The following MYO10 variants were observed in gnomAD, a reference collection of about 807,000 sequenced individuals.
The protein encoded by MYO10 is unconventional myosin-X.
Under a neutral mutation model 257.3 loss-of-function variants are expected in MYO10, and 133 were observed. The ratio of observed to expected loss-of-function variants is 0.52; its 90% confidence interval spans 0.45 to 0.60. The LOEUF (loss-of-function observed/expected upper bound fraction) is 0.60, where lower values mean the gene tolerates loss of function less well. Ranked by LOEUF, MYO10 falls within the 20% of genes least tolerant of loss-of-function variation. The pLI is 0.00. For synonymous variants in MYO10, 1,104 were observed against 1,028.6 expected (o/e 1.07, Z -1.40); for missense variants, 2,399 against 2,635.7 (o/e 0.91, Z 1.97).
chr5:16,790,467 G>A (rs1166881617), intron 4 of MYO10, among the ~76,000 whole-genome samples: 1 of 152,184 alleles, frequency 6.6e-6, no homozygotes, highest in African/African-American at 2.4e-5. Context: ...TGTTGTGGGA[G>A]GGACCTGGTG....
chr5:16,863,418 G>A (rs895409992), intron 2 of MYO10, among the ~76,000 whole-genome samples: 10 of 152,122 alleles, frequency 6.6e-5, no homozygotes, highest in African/African-American at 2.2e-4. Context: ...GAGACCTCCT[G>A]GTCTCACCCA....
chr5:16,672,391 G>A (rs116203487), intron 37 of MYO10, among the ~76,000 whole-genome samples: 2,794 of 149,774 alleles, frequency 0.019, 93 homozygotes, highest in African/African-American at 0.064. Context: ...CAATTTCAAA[G>A]CTAATGACAA....
chr5:16,665,262 G>A lies in MYO10; in HGVS notation c.*1430C>T, dbSNP rs1736107898. ...AACAAAAATAAGCCTCCCCTCCATG[G>A]TTTTTAGAGCCTCCTCTGATAAAGG... is the stretch of plus-strand genomic sequence containing the variant. On this transcript the variant is annotated 3_prime_UTR_variant, in exon 41 of 41. Transcript: ENST00000513610. 6.6e-6 allele frequency: 1 copy of A among 151,348 alleles called. No homozygotes were observed. The highest frequency in any genetic ancestry group is 2.4e-5 in the African/African-American group (1 of 41,254). The allele number at this position is 151,348 out of a possible 1,614,324, so 9.4% of individuals were successfully genotyped here.
At chr5:16,869,766 G>A (rs112624036) in intron 2 of MYO10, among the ~76,000 whole-genome samples, 3 of 151,326 alleles carry the variant, frequency 2.0e-5, no homozygotes, top group African/African-American at 7.4e-5. Context: ...GTAGGAGGCT[G>A]AGGCAGAAGA....
In MYO10 at chr5:16,762,105, G is replaced by A; in HGVS notation, c.1596C>T (p.His532=). 4.8e-6 allele frequency: 2 copies of A among 413,464 alleles called. No individual in the cohort carries two copies. The highest frequency in any genetic ancestry group is 7.7e-4 in the Middle Eastern group (1 of 1,302). 25.6% of individuals were successfully genotyped at this position (413,464 alleles called of 1,614,324 possible). ...CTGCAACTCTGGGCTTCACATAAAA[G>A]TGGTTATTCTAAAAAAAAAAAAAAA... ...EKLHSQHANN[H]FYVKPRVAVN... Residue 532 remains histidine, a synonymous_variant, in exon 16 of 41, where the codon CAC becomes CAT. Transcript: ENST00000513610.
At chr5:16,899,062 G>C (rs1233552772) in intron 1 of MYO10, among the ~76,000 whole-genome samples, 1 of 150,242 alleles carries the variant, frequency 6.7e-6, no homozygotes, top group East Asian at 2.0e-4. Context: ...TTGCGCCCGG[G>C]AGGCAGAGGT....
At position 16,701,914 on chromosome 5, in the gene MYO10, G is replaced by A; in HGVS notation, c.2557-76C>T. On this transcript the variant is annotated intron_variant, in intron 24 of 40. Transcript: ENST00000513610. This position sits in a 1 kb window ranked among gnomAD's most constrained non-coding sequence, Gnocchi z 8.1. ...AGCATAGCTCCCGCTTTGCAACCAG[G>A]ATGAAATATGGTCATTATGAGTTGG... 1 of 1,477,448 alleles carries A rather than the reference G, an allele frequency of 6.8e-7. No homozygotes were observed. Among genetic ancestry groups the A allele is most frequent in the Non-Finnish European group, 9.0e-7 (1 of 1,106,250 alleles). 91.5% of individuals were successfully genotyped at this position (1,477,448 alleles called of 1,614,324 possible).
intron 39 of MYO10, among the ~76,000 whole-genome samples, chr5:16,669,768 G>C (rs1736356412): frequency 6.6e-6 from 1 of 152,140 alleles, no homozygotes; most frequent in African/African-American, 2.4e-5. Flanking sequence ...GATATACGCT[G>C]AATTACTGTG....
chr5:16,818,392 GTGTGTGTGTGTGTGTGTGTA>G (rs1742696118), intron 2 of MYO10, among the ~76,000 whole-genome samples: 4 of 104,952 alleles, frequency 3.8e-5, no homozygotes, highest in Non-Finnish European at 8.2e-5. Flanking sequence ...GTGTGTGTGT[GTGTGTGTGTGTGTGTGTGTA>G]TATATATATA....
chr5:16,672,468 T>TA (rs1478147302), intron 37 of MYO10, among the ~76,000 whole-genome samples: 1 of 151,994 alleles, frequency 6.6e-6, no homozygotes, highest in Non-Finnish European at 1.5e-5. Context: ...AGGAATGGGG[T>TA]AAAAAACCAC....
Position 16,668,367 on chromosome 5 carries a change from C to T in MYO10, c.5985G>A (p.Gln1995=), listed in dbSNP as rs983676028. ...CCCCAAAAGAGAGGATGTGTTCATA[C>T]TGGAAGACTTCCAGTGGTCTTCCCT... ...RGEGRPLEVF[Q]YEHILSFGAP... Residue 1995 remains glutamine (Q), a synonymous_variant, in exon 40 of 41, where the codon CAG becomes CAA. Transcript: ENST00000513610. 3 of 1,613,890 alleles carry T rather than the reference C, an allele frequency of 1.9e-6. No homozygotes were observed. Among genetic ancestry groups the T allele is most frequent in the Non-Finnish European group, 1.7e-6 (2 of 1,179,890 alleles).
chr5:16,866,168 C>T (rs941160166), intron 2 of MYO10, among the ~76,000 whole-genome samples: 1 of 151,998 alleles, frequency 6.6e-6, no homozygotes, highest in Non-Finnish European at 1.5e-5. Flanking sequence ...AATAGCAAAT[C>T]CTTCAGACAC....
intron 19 of MYO10, chr5:16,741,954 C>A: frequency 1.0e-6 from 1 of 985,350 alleles, no homozygotes; most frequent in Non-Finnish European, 1.2e-6. Flanking sequence ...GCGTCTCGGG[C>A]TGTGCTGCTT....
At chr5:16,725,466 T>C (rs957023540) in intron 19 of MYO10, among the ~76,000 whole-genome samples, 11 of 152,128 alleles carry the variant, frequency 7.2e-5, no homozygotes, top group Middle Eastern at 3.2e-3. Flanking sequence ...AGGAGCTATG[T>C]TTCTACCATT....
At position 16,744,208 on chromosome 5, in the gene MYO10, A is replaced by G. The variant is rs191851786; in HGVS notation, c.1929+10620T>C. On this transcript the variant is annotated intron_variant, in intron 19 of 40. Coordinates refer to ENST00000513610, the MANE Select transcript of MYO10 (RefSeq NM_012334.3). ...TTGGGATTAAATTTGTTAGGACAAA[A>G]TAAGTGGTAAAAATATAAACATATA... 2.0e-3 allele frequency among the ~76,000 whole-genome samples: 300 copies of G among 152,322 alleles called. 1 individual carries two copies. The highest frequency in any genetic ancestry group is 6.8e-3 in the African/African-American group (282 of 41,574).
chr5:16,864,626 C>T (rs1239310215), intron 2 of MYO10, among the ~76,000 whole-genome samples: 4 of 152,088 alleles, frequency 2.6e-5, no homozygotes, highest in Non-Finnish European at 5.9e-5. Flanking sequence ...TGAGAGTCTC[C>T]CAGATTACAA....
chr5:16,816,868 G>A (rs754192659), intron 3 of MYO10, among the ~76,000 whole-genome samples: 14 of 149,190 alleles, frequency 9.4e-5, no homozygotes, highest in Non-Finnish European at 1.2e-4. Flanking sequence ...CACCCAGGCC[G>A]GAGTGCAGTG....
chr5:16,681,486 CCT>C lies in MYO10; in HGVS notation c.4205_4206del (p.Glu1402GlyfsTer53). On this transcript the variant is annotated frameshift_variant, in exon 32 of 41. Coordinates refer to ENST00000513610, the MANE Select transcript of MYO10 (RefSeq NM_012334.3). LOFTEE classifies it high-confidence loss of function. ...EFIVRGWLHK[E>X]VKNSPKMSSL... is the part of the protein sequence containing the mutation. Reference sequence around the variant, plus strand: ...GAAGACATCTTTGGACTGTTCTTCACCTCTTTGTGCAACCATCCTGGAAAAAA... The same window carrying C: ...GAAGACATCTTTGGACTGTTCTTCACCTTTGTGCAACCATCCTGGAAAAAA... 6.2e-7 allele frequency: 1 copy of C among 1,603,168 alleles called. No homozygotes were observed. Among genetic ancestry groups the C allele is most frequent in the Non-Finnish European group, 8.5e-7 (1 of 1,177,294 alleles).
chr5:16,743,051 C>T (rs1326789623), intron 19 of MYO10, among the ~76,000 whole-genome samples: 2 of 152,088 alleles, frequency 1.3e-5, no homozygotes, highest in Admixed American at 6.6e-5. Context: ...ACCCGGGAGA[C>T]GGAGGTTGCA....
Sources: allele counts gnomAD v4.1 joint callset (sites outside exome capture counted in the v4.1 genomes callset), GRCh38; gene constraint gnomAD v4.1.1; non-coding constraint Gnocchi (gnomAD v3.1); transcripts MANE v1.5; gene names NCBI Gene and HGNC (gene_info 2026-07-23, HGNC 2026-07-21).